Variants in TRIM55 observed in about 807,000 individuals in gnomAD.
The protein encoded by TRIM55 is tripartite motif-containing protein 55.
A neutral mutation model predicts 60.9 loss-of-function variants in TRIM55; 50 were observed. That is an observed-to-expected ratio of 0.82 (90% CI 0.65 to 1.04). The LOEUF is 1.04. Ranked by LOEUF, TRIM55 falls within the 50% of genes least tolerant of loss-of-function variation. TRIM55 has a pLI of 0.00. For synonymous variants in TRIM55, 237 were observed against 238.1 expected, an observed-to-expected ratio of 1.00 and a Z score of 0.04; for missense variants, 681 against 666.9, an observed-to-expected ratio of 1.02 and a Z score of -0.23.
intron 7 of TRIM55, among the ~76,000 whole-genome samples, chr8:66,151,700 C>T (rs997726303): frequency 2.6e-5 from 4 of 151,792 alleles, no homozygotes; most frequent in Admixed American, 1.3e-4. Flanking sequence ...AAAAATTAGC[C>T]GGGCGTGGTG....
intron 8 of TRIM55, among the ~76,000 whole-genome samples, 174 bp downstream of exon 8, chr8:66,152,801 G>A (rs537524898): frequency 6.6e-6 from 1 of 152,110 alleles, no homozygotes; most frequent in Non-Finnish European, 1.5e-5. Flanking sequence ...AAGTCCTCTA[G>A]GTGATTCAAC....
chr8:66,134,318 G>T (rs1809348970), intron 2 of TRIM55, among the ~76,000 whole-genome samples: 1 of 152,082 alleles, frequency 6.6e-6, no homozygotes, highest in African/African-American at 2.4e-5. Flanking sequence ...GAATTCCTGG[G>T]GTTTATATAA....
At chr8:66,114,531 A>G in the TRIM55 span, 16 of 456,320 alleles carry the variant, frequency 3.5e-5, no homozygotes. Flanking sequence ...AGAATCCTTT[A>G]TGATTTGTGA....
intron 8 of TRIM55, among the ~76,000 whole-genome samples, chr8:66,153,369 A>G (rs1810552228): frequency 6.6e-6 from 1 of 152,334 alleles, no homozygotes; most frequent in Non-Finnish European, 1.5e-5. Flanking sequence ...GCCTTTGTGC[A>G]GACTCCATGA....
At chr8:66,160,356 G>GGTGTGTGTGTGTGTGT (rs35422649) in intron 9 of TRIM55, among the ~76,000 whole-genome samples, 1,532 of 146,026 alleles carry the variant, frequency 0.01, 27 homozygotes, top group African/African-American at 0.035. Flanking sequence ...AGTATTCCAT[G>GGTGTGTGTGTGTGTGT]GTGTGTGTGT....
At chr8:66,113,413 C>T in the TRIM55 span, 17 of 432,410 alleles carry the variant, frequency 3.9e-5, no homozygotes, top group African/African-American at 1.8e-4. Context: ...GCTACTTCCT[C>T]AGCAGGAGAC....
chr8:66,159,356 G>T (rs1455886363), intron 9 of TRIM55, among the ~76,000 whole-genome samples: 1 of 152,132 alleles, frequency 6.6e-6, no homozygotes, highest in African/African-American at 2.4e-5. Context: ...TTATTTTGTG[G>T]CATGTATAGT....
At chr8:66,158,141 C>CA (rs1810848954) in intron 9 of TRIM55, among the ~76,000 whole-genome samples, 1 of 114,792 alleles carries the variant, frequency 8.7e-6, no homozygotes, top group African/African-American at 3.3e-5. Context: ...GATCTCCCCA[C>CA]CACACACACA....
Position 66,128,493 on chromosome 8 carries a change from C to T in TRIM55, c.341+17C>T, listed in dbSNP as rs756309337. On this transcript the variant is annotated intron_variant, in intron 2 of 9. Coordinates refer to ENST00000315962, the MANE Select transcript of TRIM55 (RefSeq NM_184085.2). ...GTCCACCAGGTAACACTCTTCCACT[C>T]TTCCATGTGTCAAGCCCATCTGAAA... The T allele has an allele frequency of 6.2e-7, 1 of 1,608,218 alleles. No homozygotes were observed. The highest frequency in any genetic ancestry group is 1.1e-5 in the South Asian group (1 of 89,770).
At chr8:66,113,964 G>T in the TRIM55 span, among the ~76,000 whole-genome samples, 1 of 152,032 alleles carries the variant, frequency 6.6e-6, no homozygotes, top group African/African-American at 2.4e-5. Context: ...AGACAAGGCG[G>T]CACCCGGGAA....
intron 4 of TRIM55, among the ~76,000 whole-genome samples, chr8:66,138,104 G>A (rs1209451155): frequency 6.6e-6 from 1 of 152,098 alleles, no homozygotes; most frequent in African/African-American, 2.4e-5. Context: ...TTTGTAGTTG[G>A]ACCTCTGTGC....
At chr8:66,144,290 G>T (rs1311302267) in intron 4 of TRIM55, among the ~76,000 whole-genome samples, 2 of 152,148 alleles carry the variant, frequency 1.3e-5, no homozygotes, top group African/African-American at 2.4e-5. Context: ...TTTCAATATG[G>T]GAGGGATGAT....
intron 9 of TRIM55, among the ~76,000 whole-genome samples, chr8:66,170,462 C>G (rs1398671558): frequency 6.6e-6 from 1 of 152,178 alleles, no homozygotes; most frequent in East Asian, 1.9e-4. Context: ...TCCATTGATT[C>G]TTGACATGTA....
At chr8:66,130,363 G>A (rs569754506) in intron 2 of TRIM55, among the ~76,000 whole-genome samples, 4 of 152,122 alleles carry the variant, frequency 2.6e-5, no homozygotes, top group African/African-American at 9.7e-5. Flanking sequence ...ACTTTCCTGT[G>A]GGACAATTTT....
chr8:66,155,665 CACT>C (rs752670855), intron 9 of TRIM55: 3 of 1,613,286 alleles, frequency 1.9e-6, no homozygotes, highest in Non-Finnish European at 1.7e-6. Context: ...TCTTATTCTT[CACT>C]ACATCTGGAG....
intron 3 of TRIM55, among the ~76,000 whole-genome samples, chr8:66,135,716 C>G (rs1322543671): frequency 6.6e-6 from 1 of 152,152 alleles, no homozygotes; most frequent in Non-Finnish European, 1.5e-5. Context: ...GGCCAGTTGC[C>G]TAAAAACCCC....
intron 3 of TRIM55, among the ~76,000 whole-genome samples, chr8:66,136,874 A>G (rs974578297): frequency 6.6e-6 from 1 of 152,198 alleles, no homozygotes; most frequent in Non-Finnish European, 1.5e-5. Context: ...GTTGATCTTA[A>G]TATTAAGACT....
the TRIM55 span, among the ~76,000 whole-genome samples, chr8:66,115,543 G>A: frequency 3.3e-5 from 5 of 152,140 alleles, no homozygotes; most frequent in South Asian, 2.1e-4. Flanking sequence ...GAAGTAATGC[G>A]CCCAAAACCC....
the TRIM55 span, among the ~76,000 whole-genome samples, chr8:66,121,576 T>C: frequency 6.6e-6 from 1 of 152,208 alleles, no homozygotes; most frequent in African/African-American, 2.4e-5. Flanking sequence ...TGTAACGTGC[T>C]CTTGTAACAG....
Sources: gnomAD v4.1 joint callset for allele counts (sites outside exome capture counted in the v4.1 genomes callset) on GRCh38, gnomAD v4.1.1 for gene constraint, MANE v1.5 for transcripts, NCBI Gene and HGNC (gene_info 2026-07-23, HGNC 2026-07-21) for gene names.